The following DENND1A variants were observed in gnomAD, a reference collection of about 807,000 sequenced individuals.
DENND1A encodes DENN domain containing 1A.
In DENND1A, 51 loss-of-function variants were observed where a neutral mutation model predicts 113.7. That is an observed-to-expected ratio of 0.45 (90% CI 0.36 to 0.57). The LOEUF is 0.57. DENND1A is among the 20% of genes least tolerant of loss of function. The pLI, the probability that DENND1A is intolerant of heterozygous loss-of-function variation, is 0.00. For missense variants in DENND1A, 1,258 were observed against 1,395.9 expected (o/e 0.90, Z 1.57); for synonymous variants, 565 against 570.8 (o/e 0.99, Z 0.14).
intron 8 of DENND1A, among the ~76,000 whole-genome samples, chr9:123,662,572 AAG>A (rs1050370756): frequency 9.9e-5 from 15 of 152,174 alleles, no homozygotes; most frequent in Non-Finnish European, 1.5e-5. Flanking sequence ...AAAAAAGAAG[AAG>A]AGAGTTATTT....
intron 2 of DENND1A, among the ~76,000 whole-genome samples, chr9:123,802,401 A>G (rs1462671852): frequency 2.5e-5 from 1 of 40,726 alleles, no homozygotes; most frequent in East Asian, 7.1e-4. Context: ...CAACACCACC[A>G]CCACCATTCT....
At chr9:123,901,678 T>C (rs562220858) in intron 1 of DENND1A, among the ~76,000 whole-genome samples, 15 of 152,330 alleles carry the variant, frequency 9.8e-5, no homozygotes, top group Admixed American at 9.8e-4. Flanking sequence ...GACCTTCTAA[T>C]CTTCTGATGC....
intron 13 of DENND1A, among the ~76,000 whole-genome samples, chr9:123,531,552 TCTACACACACACACACAC>T (rs1408148889): frequency 2.4e-4 from 32 of 133,852 alleles, no homozygotes; most frequent in Admixed American, 8.3e-4. Flanking sequence ...CCCCTCTCTC[TCTACACACACACACACAC>T]ACACACACAC....
chr9:123,844,390 TA>T (rs1462021504), intron 2 of DENND1A, among the ~76,000 whole-genome samples: 1 of 152,168 alleles, frequency 6.6e-6, no homozygotes, highest in Non-Finnish European at 1.5e-5. Context: ...AATAGATCAA[TA>T]TTTTTAAAAA....
intron 12 of DENND1A, among the ~76,000 whole-genome samples, chr9:123,568,165 C>T (rs533042815): frequency 6.6e-6 from 1 of 152,264 alleles, no homozygotes; most frequent in African/African-American, 2.4e-5. Context: ...ATTCTAGTGA[C>T]CTCTAGGCAT....
Position 123,798,762 on chromosome 9 carries a change from G to A in DENND1A, c.89-6132C>T, listed in dbSNP as rs531325632. Among the ~76,000 whole-genome samples the A allele has an allele frequency of 1.4e-3, 200 of 142,452 alleles. 1 individual carries two copies. The highest frequency in any genetic ancestry group is 2.4e-3 in the Non-Finnish European group (154 of 65,500). 93.5% of individuals were successfully genotyped at this position (142,452 alleles called of 152,430 possible). A position where few individuals can be genotyped will look rare whatever the true frequency, so the allele number is the denominator to read the frequency against. On this transcript the variant is annotated intron_variant, in intron 2 of 23. Coordinates refer to ENST00000394215, the MANE Select transcript of DENND1A (RefSeq NM_001352964.2). ...AAAAAAAAAAAAATCAAAAGGATAT[G>A]TTCACTTACATTTACCTTTTTCTCT... is the stretch of plus-strand genomic sequence containing the variant.
At chr9:123,597,812 C>T (rs1043598298) in intron 11 of DENND1A, among the ~76,000 whole-genome samples, 3 of 152,298 alleles carry the variant, frequency 2.0e-5, no homozygotes, top group Admixed American at 6.5e-5. Context: ...CTGAGGATGA[C>T]GTCCTATGAA....
intron 13 of DENND1A, among the ~76,000 whole-genome samples, chr9:123,548,471 TA>T (rs1350557260): frequency 6.6e-6 from 1 of 152,248 alleles, no homozygotes; most frequent in Non-Finnish European, 1.5e-5. Flanking sequence ...GCTACCCACT[TA>T]ACAAAAGCAC....
At chr9:123,774,210 G>A (rs557159810) in intron 3 of DENND1A, among the ~76,000 whole-genome samples, 2 of 152,232 alleles carry the variant, frequency 1.3e-5, no homozygotes, top group Non-Finnish European at 2.9e-5. Flanking sequence ...TGCAAGCAGT[G>A]CCACTGACTT....
At chr9:123,582,111 C>T (rs1477674301) in intron 12 of DENND1A, among the ~76,000 whole-genome samples, 1 of 152,258 alleles carries the variant, frequency 6.6e-6, no homozygotes, top group Non-Finnish European at 1.5e-5. Flanking sequence ...CACAGCTACA[C>T]TGACAGCACT....
intron 5 of DENND1A, among the ~76,000 whole-genome samples, chr9:123,719,178 T>C (rs926760091): frequency 1.4e-4 from 22 of 152,348 alleles, no homozygotes; most frequent in African/African-American, 5.1e-4. Flanking sequence ...TATGTCCTTA[T>C]AGGCAGTGTG....
chr9:123,438,643 G>A (rs919396015), intron 19 of DENND1A, among the ~76,000 whole-genome samples: 2 of 151,942 alleles, frequency 1.3e-5, no homozygotes, highest in Non-Finnish European at 2.9e-5. Flanking sequence ...TGGCAGCCAC[G>A]TGAGGGAAGT....
chr9:123,798,410 A>T (rs1396252215), intron 2 of DENND1A: 2 of 152,208 alleles, frequency 1.3e-5, no homozygotes, highest in African/African-American at 4.8e-5. Flanking sequence ...GAAGTTATGA[A>T]TGTAGTACAG....
At chr9:123,884,123 G>C (rs1168761943) in intron 1 of DENND1A, among the ~76,000 whole-genome samples, 1 of 152,044 alleles carries the variant, frequency 6.6e-6, no homozygotes, top group African/African-American at 2.4e-5. Context: ...AATGCAAATA[G>C]CCAAGCAACC....
intron 5 of DENND1A, among the ~76,000 whole-genome samples, chr9:123,743,935 C>T (rs957672954): frequency 1.4e-4 from 21 of 151,894 alleles, no homozygotes; most frequent in Admixed American, 3.3e-4. Flanking sequence ...GAGCGTAAGT[C>T]CGTTTCACAA....
intron 6 of DENND1A, among the ~76,000 whole-genome samples, chr9:123,675,722 T>C (rs1375306402): frequency 6.6e-6 from 1 of 152,210 alleles, no homozygotes; most frequent in Admixed American, 6.5e-5. Context: ...ATTCAACAAA[T>C]GATCCTGATG....
chr9:123,603,714 C>A (rs920155007), intron 11 of DENND1A, among the ~76,000 whole-genome samples: 3 of 152,170 alleles, frequency 2.0e-5, no homozygotes, highest in African/African-American at 7.2e-5. Context: ...TACCCTTAAA[C>A]TGAGGTGTAG....
intron 6 of DENND1A, 75 bp downstream of exon 6, chr9:123,676,645 A>G: frequency 3.6e-6 from 5 of 1,402,842 alleles, no homozygotes; most frequent in Non-Finnish European, 4.9e-6. Flanking sequence ...GGTAAAATAT[A>G]AGGCATGTTT....
chr9:123,901,078 G>A (rs1851539982), intron 1 of DENND1A, among the ~76,000 whole-genome samples: 1 of 152,170 alleles, frequency 6.6e-6, no homozygotes, highest in Non-Finnish European at 1.5e-5. Context: ...GCCATATTAG[G>A]TGTATGGATT....
Sources: allele counts gnomAD v4.1 joint callset (sites outside exome capture counted in the v4.1 genomes callset), GRCh38; gene constraint gnomAD v4.1.1; transcripts MANE v1.5; gene names NCBI Gene and HGNC (gene_info 2026-07-23, HGNC 2026-07-21).